Variants in BNC2 observed in about 807,000 individuals in gnomAD.
The protein encoded by BNC2 is basonuclin zinc finger protein 2, also known as zinc finger protein basonuclin-2.
Under a neutral mutation model 76.3 loss-of-function variants are expected in BNC2, and 20 were observed. That is an observed-to-expected ratio of 0.26 (90% CI 0.18 to 0.38). BNC2 has a LOEUF of 0.38. BNC2 is among the 10% of genes least tolerant of loss of function. BNC2 has a pLI of 1.00. For missense variants in BNC2, 1,382 were observed against 1,399.8 expected (o/e 0.99, Z 0.20); for synonymous variants, 582 against 514.8 (o/e 1.13, Z -1.77).
intron 4 of BNC2, among the ~76,000 whole-genome samples, chr9:16,557,900 AC>A (rs1448189408): frequency 6.0e-5 from 9 of 150,822 alleles, no homozygotes; most frequent in Non-Finnish European, 1.3e-4. Context: ...TAACTCTATG[AC>A]CCACGTTGGA....
chr9:16,641,373 C>A (rs1821487708), intron 3 of BNC2, among the ~76,000 whole-genome samples: 1 of 152,136 alleles, frequency 6.6e-6, no homozygotes, highest in Non-Finnish European at 1.5e-5. Context: ...CCTTCAAGAA[C>A]CTTCCCTTTC....
chr9:16,486,086 GGCTTCCT>G (rs1822158543), intron 5 of BNC2, among the ~76,000 whole-genome samples: 1 of 152,150 alleles, frequency 6.6e-6, no homozygotes, highest in Non-Finnish European at 1.5e-5. Context: ...GGCTCCAGCA[GGCTTCCT>G]GCTTTGTTGT....
intron 1 of BNC2, among the ~76,000 whole-genome samples, chr9:16,738,835 C>T (rs1824758330): frequency 6.8e-6 from 1 of 147,592 alleles, no homozygotes; most frequent in South Asian, 2.2e-4. Context: ...CCGCCCCAGC[C>T]CCCCGCCCCG....
intron 5 of BNC2, among the ~76,000 whole-genome samples, chr9:16,533,844 A>G (rs1818053761): frequency 6.6e-6 from 1 of 152,210 alleles, no homozygotes; most frequent in Non-Finnish European, 1.5e-5. Context: ...AGGTCTTCCT[A>G]TAGCAGCAGG....
intron 5 of BNC2, among the ~76,000 whole-genome samples, chr9:16,462,636 G>C (rs1346571089): frequency 6.6e-6 from 1 of 152,190 alleles, no homozygotes; most frequent in African/African-American, 2.4e-5. Context: ...ACTTTATCAA[G>C]TTTCTTCCAG....
intron 3 of BNC2, among the ~76,000 whole-genome samples, chr9:16,674,606 C>T (rs1289960124): frequency 1.3e-5 from 2 of 152,086 alleles, no homozygotes; most frequent in Non-Finnish European, 2.9e-5. Flanking sequence ...TGGATCTAAT[C>T]GATGTTTATT....
intron 1 of BNC2, among the ~76,000 whole-genome samples, chr9:16,837,460 C>T (rs948260711): frequency 3.3e-5 from 5 of 152,250 alleles, no homozygotes; most frequent in South Asian, 4.1e-4. Flanking sequence ...GCTGAGGTCG[C>T]GCCACTGCAC....
At chr9:16,851,792 C>A (rs147564316) in intron 1 of BNC2, among the ~76,000 whole-genome samples, 4 of 152,116 alleles carry the variant, frequency 2.6e-5, no homozygotes, top group African/African-American at 4.8e-5. Flanking sequence ...GCCCAGATCA[C>A]GCCAAAACAG....
rs992623611 is a variant in BNC2, at chr9:16,746,985, G to C, written c.4-8500C>G. ...TCAAAAAAAAAAAAAATTAATCCAT[G>C]TAATTGAAAAAGAATTATACTTTCC... On this transcript the variant is annotated intron_variant, in intron 1 of 6. Transcript: ENST00000380672. 4.6e-5 allele frequency among the ~76,000 whole-genome samples: 7 copies of C among 151,380 alleles called. No homozygotes were observed. The East Asian group carries it at 1.4e-3, about 30-fold the overall frequency.
At chr9:16,680,329 C>T (rs1822786943) in intron 3 of BNC2, among the ~76,000 whole-genome samples, 1 of 151,888 alleles carries the variant, frequency 6.6e-6, no homozygotes, top group Non-Finnish European at 1.5e-5. Flanking sequence ...TAATCACTTA[C>T]CTCCTTTAAT....
intron 5 of BNC2, among the ~76,000 whole-genome samples, chr9:16,477,728 T>A (rs1251043715): frequency 6.6e-6 from 1 of 152,194 alleles, no homozygotes; most frequent in Non-Finnish European, 1.5e-5. Context: ...TTATCAAAAA[T>A]TTGATATCTC....
intron 3 of BNC2, among the ~76,000 whole-genome samples, chr9:16,674,263 G>A (rs1822570939): frequency 6.6e-6 from 1 of 152,180 alleles, no homozygotes; most frequent in Non-Finnish European, 1.5e-5. Context: ...ACAACAGCAA[G>A]TACTACCATT....
At chr9:16,852,255 A>T (rs899495271) in intron 1 of BNC2, among the ~76,000 whole-genome samples, 2 of 152,200 alleles carry the variant, frequency 1.3e-5, no homozygotes, top group Non-Finnish European at 2.9e-5. Flanking sequence ...GGTGAACAAG[A>T]TAAATCAAAT....
chr9:16,575,321 G>A (rs1190044543), intron 4 of BNC2: 40 of 985,246 alleles, frequency 4.1e-5, no homozygotes, highest in East Asian at 1.1e-4. Context: ...ACCCTCCCAC[G>A]AAACTCCTTA....
intron 3 of BNC2, among the ~76,000 whole-genome samples, chr9:16,611,034 A>C (rs1440008332): frequency 6.6e-6 from 1 of 152,162 alleles, no homozygotes; most frequent in Non-Finnish European, 1.5e-5. Context: ...CAGACTGAAC[A>C]CAGCAGTTCA....
At chr9:16,444,417 G>A (rs1448755832) in intron 5 of BNC2, among the ~76,000 whole-genome samples, 2 of 152,106 alleles carry the variant, frequency 1.3e-5, no homozygotes, top group East Asian at 1.9e-4. Context: ...CACTCTGCAA[G>A]ACACTGATAA....
chr9:16,681,283 G>C (rs907246190), intron 3 of BNC2, among the ~76,000 whole-genome samples: 1 of 152,180 alleles, frequency 6.6e-6, no homozygotes, highest in South Asian at 2.1e-4. Context: ...GTGAAGTCAG[G>C]AGAGAGTCAT....
intron 3 of BNC2, among the ~76,000 whole-genome samples, chr9:16,605,288 G>A (rs1373803499): frequency 6.6e-6 from 1 of 152,194 alleles, no homozygotes; most frequent in East Asian, 1.9e-4. Context: ...TAAAAATACT[G>A]GCAACGCTTC....
Position 16,822,534 on chromosome 9 carries a change from T to A in BNC2, c.3+48112A>T, listed in dbSNP as rs141468794. Among the ~76,000 whole-genome samples, 271 of 152,212 alleles carry A rather than the reference T, an allele frequency of 1.8e-3. 1 individual carries two copies. The highest frequency in any genetic ancestry group is 5.8e-3 in the African/African-American group (239 of 41,516). Reference sequence around the variant, plus strand: ...CAGTATGGCCTTTAAGGAAAAAATTTAAAAGAGAGGCAGAAAGATGGCAAT... The same window carrying A: ...CAGTATGGCCTTTAAGGAAAAAATTAAAAAGAGAGGCAGAAAGATGGCAAT... On this transcript the variant is annotated intron_variant, in intron 1 of 6. Coordinates refer to ENST00000380672, the MANE Select transcript of BNC2 (RefSeq NM_017637.6).
Sources: allele counts gnomAD v4.1 joint callset (sites outside exome capture counted in the v4.1 genomes callset), GRCh38; gene constraint gnomAD v4.1.1; transcripts MANE v1.5; gene names NCBI Gene and HGNC (gene_info 2026-07-23, HGNC 2026-07-21).